RANBP17: variants seen among roughly 807,000 people sequenced by gnomAD.
The protein encoded by RANBP17 is RAN binding protein 17.
In RANBP17, 158 loss-of-function variants were observed where a neutral mutation model predicts 141.2. The ratio of observed to expected loss-of-function variants is 1.12; its 90% CI spans 0.98 to 1.28. RANBP17 has a LOEUF of 1.28. Among genes scored for constraint, RANBP17 ranks in the 50% most tolerant of loss-of-function variants. RANBP17 has a pLI of 0.00. For synonymous variants in RANBP17, 430 were observed against 450.0 expected, an observed-to-expected ratio of 0.96 and a Z score of 0.56; for missense variants, 1,438 against 1,290.7, an observed-to-expected ratio of 1.11 and a Z score of -1.75.
intron 14 of RANBP17, among the ~76,000 whole-genome samples, chr5:171,032,922 G>T (rs1428047951): frequency 1.3e-5 from 2 of 152,134 alleles, no homozygotes; most frequent in African/African-American, 4.8e-5. Context: ...GGCAGTAATA[G>T]AAAACTGGAG....
chr5:171,042,159 T>G (rs1268427729), intron 14 of RANBP17, among the ~76,000 whole-genome samples: 1 of 152,076 alleles, frequency 6.6e-6, no homozygotes, highest in East Asian at 1.9e-4. Context: ...GGCATTAGGG[T>G]TGATTCCATG....
intron 12 of RANBP17, chr5:170,924,915 A>G (rs539700671): frequency 6.3e-6 from 1 of 158,672 alleles, no homozygotes; most frequent in East Asian, 1.8e-4. Flanking sequence ...AAAAGTATAT[A>G]ATATATCATT....
chr5:170,989,841 A>G (rs1051124924), intron 14 of RANBP17, among the ~76,000 whole-genome samples: 7 of 151,818 alleles, frequency 4.6e-5, no homozygotes, highest in African/African-American at 1.4e-4. Flanking sequence ...ATTTCAGACT[A>G]TCAACTTTCA....
At chr5:171,114,647 A>G (rs1310354615) in intron 14 of RANBP17, among the ~76,000 whole-genome samples, 1 of 150,234 alleles carries the variant, frequency 6.7e-6, no homozygotes, top group Non-Finnish European at 1.5e-5. Flanking sequence ...ATGTTTTAAT[A>G]CAGTTTATTG....
At chr5:170,966,889 A>G (rs1250510100) in intron 13 of RANBP17, among the ~76,000 whole-genome samples, 1 of 152,198 alleles carries the variant, frequency 6.6e-6, no homozygotes, top group Non-Finnish European at 1.5e-5. Context: ...AAGCATTCTT[A>G]CACACCAATA....
chr5:170,948,939 C>T lies in RANBP17; in HGVS notation c.1469-4658C>T, dbSNP rs367667781. Among the ~76,000 whole-genome samples the T allele has an allele frequency of 4.1e-4, 63 of 152,038 alleles. 1 individual carries two copies. The South Asian group carries it at 0.013, about 31-fold the overall frequency. ...GGCCAAGGTAGGAGGATCACTTGAG[C>T]CCAGGATGTTCAGGAACAGCCTGGT... On this transcript the variant is annotated intron_variant, in intron 12 of 27. Coordinates refer to ENST00000523189, the MANE Select transcript of RANBP17 (RefSeq NM_022897.5).
intron 14 of RANBP17, among the ~76,000 whole-genome samples, chr5:170,982,724 A>G (rs1212505277): frequency 1.3e-5 from 2 of 152,178 alleles, no homozygotes; most frequent in Non-Finnish European, 2.9e-5. Context: ...TTCCATACTG[A>G]AAAGGACTAT....
intron 14 of RANBP17, among the ~76,000 whole-genome samples, chr5:171,093,149 C>T (rs1786427129): frequency 4.0e-5 from 6 of 151,626 alleles, no homozygotes; most frequent in Admixed American, 2.6e-4. Flanking sequence ...GGTAGAGGTT[C>T]CAGTGAGCCA....
At chr5:170,864,175 A>C (rs772900612) in intron 1 of RANBP17, among the ~76,000 whole-genome samples, 4 of 152,190 alleles carry the variant, frequency 2.6e-5, no homozygotes, top group Non-Finnish European at 4.4e-5. Flanking sequence ...ACAGAGTTAG[A>C]GTAGGCCTCA....
chr5:171,146,741 C>T (rs895416146), intron 14 of RANBP17, among the ~76,000 whole-genome samples: 2 of 152,072 alleles, frequency 1.3e-5, no homozygotes, highest in African/African-American at 2.4e-5. Context: ...TAACTTCTAC[C>T]CAGGTAATAG....
intron 20 of RANBP17, among the ~76,000 whole-genome samples, chr5:171,208,289 C>T (rs571153063): frequency 6.6e-6 from 1 of 152,332 alleles, no homozygotes; most frequent in African/African-American, 2.4e-5. Flanking sequence ...AACTACATTG[C>T]TTTTCACTCT....
At chr5:170,967,753 A>G (rs1776686478) in intron 13 of RANBP17, among the ~76,000 whole-genome samples, 1 of 151,874 alleles carries the variant, frequency 6.6e-6, no homozygotes, top group African/African-American at 2.4e-5. Context: ...AGGGCAGGAT[A>G]TAACTTTTGT....
At chr5:171,148,088 AC>A (rs1295920956) in intron 14 of RANBP17, among the ~76,000 whole-genome samples, 1 of 151,708 alleles carries the variant, frequency 6.6e-6, no homozygotes, top group African/African-American at 2.4e-5. Flanking sequence ...CTGTGACCTT[AC>A]CCCCAACCCT....
chr5:171,187,502 A>G (rs1053867183), intron 18 of RANBP17, among the ~76,000 whole-genome samples: 24 of 152,146 alleles, frequency 1.6e-4, no homozygotes, highest in African/African-American at 5.8e-4. Flanking sequence ...GCCTGTCTAT[A>G]TACTTCAAAA....
Position 170,878,189 on chromosome 5 carries a change from T to A in RANBP17, c.111T>A (p.Leu37=), listed in dbSNP as rs1426278575. 1 of 1,613,050 alleles carries A rather than the reference T, an allele frequency of 6.2e-7. No individual in the cohort carries two copies. Among genetic ancestry groups the A allele is most frequent in the Non-Finnish European group, 8.5e-7 (1 of 1,179,542 alleles). Residue 37 remains leucine (L), a synonymous_variant, in exon 2 of 28, where the codon CTT becomes CTA. Coordinates refer to ENST00000523189, the MANE Select transcript of RANBP17 (RefSeq NM_022897.5). The part of the protein sequence containing the change: ...RIEAEKALLE[L]IDSPECLSKC... ...AGGCTGAGAAAGCACTCTTGGAACT[T>A]ATTGACAGTCCAGAATGTCTCAGCA...
chr5:171,176,644 AATTAC>A (rs1393793462), intron 16 of RANBP17, among the ~76,000 whole-genome samples: 3 of 152,004 alleles, frequency 2.0e-5, no homozygotes, highest in African/African-American at 7.3e-5. Flanking sequence ...AACTCAGATA[AATTAC>A]ATACGAATTT....
rs574331258 is a variant in RANBP17 at position 171,137,031 on chromosome 5, GAATT to G, written c.1711-33097_1711-33094del. 4.2e-3 allele frequency among the ~76,000 whole-genome samples: 645 copies of G among 152,132 alleles called. 2 individuals are homozygous for G. The highest frequency in any genetic ancestry group is 0.015 in the African/African-American group (612 of 41,504). ...CTTTTATTCTGCTTCTGATTCCTGA[GAATT>G]ATTTTAAAATATTTATAAAGTTCTA... On this transcript the variant is annotated intron_variant, in intron 14 of 27. Coordinates refer to ENST00000523189, the MANE Select transcript of RANBP17 (RefSeq NM_022897.5).
At chr5:171,163,878 T>C (rs938914126) in intron 14 of RANBP17, among the ~76,000 whole-genome samples, 12 of 152,186 alleles carry the variant, frequency 7.9e-5, no homozygotes, top group Admixed American at 3.9e-4. Context: ...CTGTTAATTT[T>C]CTGCATTGAG....
intron 25 of RANBP17, among the ~76,000 whole-genome samples, chr5:171,268,027 A>G (rs1470794613): frequency 1.3e-5 from 2 of 152,196 alleles, no homozygotes; most frequent in African/African-American, 4.8e-5. Context: ...CTGTAGACTT[A>G]TAATTATTTG....
Sources: allele counts gnomAD v4.1 joint callset (sites outside exome capture counted in the v4.1 genomes callset), GRCh38; gene constraint gnomAD v4.1.1; transcripts MANE v1.5; gene names NCBI Gene and HGNC (gene_info 2026-07-23, HGNC 2026-07-21).